TNIK: variants seen among roughly 807,000 people sequenced by gnomAD.
TNIK encodes TRAF2 and NCK-interacting protein kinase.
A neutral mutation model predicts 191.3 loss-of-function variants in TNIK; 49 were observed. The observed-to-expected ratio is 0.26, with a 90% CI of 0.20 to 0.32. The LOEUF is 0.32. TNIK is among the 10% of genes least tolerant of loss of function. TNIK has a pLI of 1.00. For missense variants in TNIK, 1,155 were observed against 1,702.3 expected (o/e 0.68, Z 5.66); for synonymous variants, 594 against 600.9 (o/e 0.99, Z 0.17).
chr3:171,146,569 C>T (rs12496977), intron 12 of TNIK, among the ~76,000 whole-genome samples: 8,231 of 152,156 alleles, frequency 0.054, 298 homozygotes, highest in Middle Eastern at 0.13. Context: ...GCCACCAATA[C>T]GAACACTGAA....
At chr3:171,171,652 T>C (rs1442463774) in intron 9 of TNIK, among the ~76,000 whole-genome samples, 1 of 152,240 alleles carries the variant, frequency 6.6e-6, no homozygotes, top group Non-Finnish European at 1.5e-5. Flanking sequence ...GAGCCATTCC[T>C]ATCCTTCTCC....
chr3:171,411,763 A>G (rs1207559909), intron 1 of TNIK, among the ~76,000 whole-genome samples: 1 of 152,240 alleles, frequency 6.6e-6, no homozygotes, highest in East Asian at 1.9e-4. Context: ...CTGCTCATTA[A>G]AGTCAGGCAA....
At chr3:171,118,366 A>G (rs1426232992) in intron 18 of TNIK, among the ~76,000 whole-genome samples, 3 of 152,222 alleles carry the variant, frequency 2.0e-5, no homozygotes, top group Non-Finnish European at 4.4e-5. Flanking sequence ...ATACTGCCCA[A>G]GGTAATTTAT....
Position 171,287,983 on chromosome 3 carries a change from C to CA in TNIK, c.124-59763dup, listed in dbSNP as rs1201635770. Among the ~76,000 whole-genome samples, 11 of 150,708 alleles carry CA rather than the reference C, an allele frequency of 7.3e-5. No individual in the cohort carries two copies. The East Asian group carries it at 1.9e-3, about 26-fold the overall frequency. On this transcript the variant is annotated intron_variant, in intron 2 of 32. Transcript: ENST00000436636. ...CACATATACGCCATGGAATACTATG[C>CA]AGCCATAAAAAATGATGAGTTCATG...
At chr3:171,134,592 G>A (rs759487819) in intron 15 of TNIK, among the ~76,000 whole-genome samples, 5 of 152,182 alleles carry the variant, frequency 3.3e-5, no homozygotes, top group Non-Finnish European at 5.9e-5. Flanking sequence ...GCTCCAAGCT[G>A]TCTTTTTAAT....
At chr3:171,099,181 C>T (rs1332736665) in intron 22 of TNIK, among the ~76,000 whole-genome samples, 1 of 152,036 alleles carries the variant, frequency 6.6e-6, no homozygotes, top group Non-Finnish European at 1.5e-5. Context: ...AAATAATCTC[C>T]CTCAAATATA....
chr3:171,268,227 C>T (rs1012484219), intron 2 of TNIK, among the ~76,000 whole-genome samples: 3 of 152,100 alleles, frequency 2.0e-5, no homozygotes, highest in Non-Finnish European at 4.4e-5. Flanking sequence ...TTTGGACTTC[C>T]GTGTGTGTCT....
chr3:171,452,412 T>C (rs1263155924), intron 1 of TNIK, among the ~76,000 whole-genome samples: 1 of 152,046 alleles, frequency 6.6e-6, no homozygotes, highest in Non-Finnish European at 1.5e-5. Context: ...CAATACAAAT[T>C]GCTGGAAGTC....
chr3:171,194,585 G>A lies in TNIK; in HGVS notation c.357C>T (p.Asn119=), dbSNP rs929138759. The A allele has an allele frequency of 3.1e-6, 5 of 1,613,828 alleles. No individual in the cohort carries two copies. The highest frequency in any genetic ancestry group is 1.3e-5 in the African/African-American group (1 of 75,016). Residue 119 remains asparagine (N), a synonymous_variant, in exon 5 of 33, where the codon AAC becomes AAT. Transcript: ENST00000436636. ...CCTCTTTCAACGTGTTACCTTTTGT[G>A]TTCTTGATCAGGTCGGTGACAGAGC... ...GAGSVTDLIK[N]TKGNTLKEEW...
rs775854166 is a variant in TNIK, at chr3:171,108,152, C to T, written c.2295G>A (p.Lys765=). 5.1e-6 allele frequency: 8 copies of T among 1,556,256 alleles called. No individual in the cohort carries two copies. The highest frequency in any genetic ancestry group is 6.9e-6 in the Non-Finnish European group (8 of 1,151,288). ...GGGGGAGCACAGGTGATCCTTCTGACTTACTGTTGGCTAGAGGAAAAAAAC... is the reference window on the plus strand; with the variant it reads ...GGGGGAGCACAGGTGATCCTTCTGATTTACTGTTGGCTAGAGGAAAAAAAC... ...SERTRVRANS[K]SEGSPVLPHE... is the part of the protein sequence containing the mutation. Residue 765 remains lysine (K), a synonymous_variant, in exon 20 of 33, where the codon AAG becomes AAA. Coordinates refer to ENST00000436636, the MANE Select transcript of TNIK (RefSeq NM_015028.4).
intron 6 of TNIK, among the ~76,000 whole-genome samples, chr3:171,190,395 CTG>C (rs1737900887): frequency 6.6e-6 from 1 of 152,112 alleles, no homozygotes; most frequent in Admixed American, 6.6e-5. Flanking sequence ...TATAAACAAA[CTG>C]TAAGATATAG....
At chr3:171,354,375 G>A (rs1713692517) in intron 2 of TNIK, among the ~76,000 whole-genome samples, 1 of 152,090 alleles carries the variant, frequency 6.6e-6, no homozygotes, top group East Asian at 1.9e-4. Flanking sequence ...ACCTGAGCTG[G>A]TCCACTACCT....
intron 21 of TNIK, among the ~76,000 whole-genome samples, chr3:171,104,195 CTAAGAACCTA>C (rs1300845686): frequency 6.6e-6 from 1 of 152,058 alleles, no homozygotes; most frequent in Non-Finnish European, 1.5e-5. Flanking sequence ...TCTTCCATTG[CTAAGAACCTA>C]TGTGTTTAGC....
chr3:171,072,638 T>C (rs1432202248), intron 28 of TNIK, among the ~76,000 whole-genome samples: 1 of 152,150 alleles, frequency 6.6e-6, no homozygotes, highest in Non-Finnish European at 1.5e-5. Flanking sequence ...AGTGAAATTA[T>C]CTCTGCTGAT....
intron 2 of TNIK, among the ~76,000 whole-genome samples, chr3:171,363,103 C>T (rs924271826): frequency 6.6e-6 from 1 of 152,172 alleles, no homozygotes; most frequent in African/African-American, 2.4e-5. Flanking sequence ...GCTGTCACAA[C>T]TTAGGGGTGC....
rs773003291 is a variant in TNIK at position 171,177,290 on chromosome 3, C to T, written c.694+36G>A. The stretch of plus-strand genomic sequence containing the variant: ...GAAACTTCAGTACCTGCAGAGCAGA[C>T]CAGCAACAGATTTCACCCCAGAGGA... On this transcript the variant is annotated intron_variant, in intron 8 of 32. Transcript: ENST00000436636. The T allele has an allele frequency of 6.3e-6, 10 of 1,592,210 alleles. No individual in the cohort carries two copies. In the African/African-American group the frequency reaches 1.3e-4, roughly 21 times the overall value.
chr3:171,450,767 T>C (rs1024563848), intron 1 of TNIK, among the ~76,000 whole-genome samples: 1 of 152,236 alleles, frequency 6.6e-6, no homozygotes, highest in Admixed American at 6.5e-5. Context: ...TTTAAATGAA[T>C]GAATTAATTG....
At chr3:171,253,674 T>C (rs149326935) in intron 2 of TNIK, among the ~76,000 whole-genome samples, 200 of 119,306 alleles carry the variant, frequency 1.7e-3, no homozygotes, top group African/African-American at 5.1e-3. Flanking sequence ...CTACAATAAA[T>C]TGAAGTAACA....
chr3:171,175,286 G>T lies in TNIK; in HGVS notation c.739C>A (p.Arg247=), dbSNP rs1330784130. The T allele has an allele frequency of 1.2e-6, 2 of 1,612,070 alleles. No individual in the cohort carries two copies. The highest frequency in any genetic ancestry group is 1.7e-6 in the Non-Finnish European group (2 of 1,179,180). The change falls in exon 9 of 33, where the codon CGG becomes AGG. Residue 247 remains arginine (R), a synonymous_variant. Coordinates refer to ENST00000436636, the MANE Select transcript of TNIK (RefSeq NM_015028.4). Reference sequence around the variant, plus strand: ...GACTTCAGCCGAGGCGCTGGGTTCCGGGGGATGAGGAAGAGAGCTCTCATG... The same window carrying T: ...GACTTCAGCCGAGGCGCTGGGTTCCTGGGGATGAGGAAGAGAGCTCTCATG... ...HPMRALFLIP[R]NPAPRLKSKK...
Sources: gnomAD v4.1 joint callset for allele counts (sites outside exome capture counted in the v4.1 genomes callset) on GRCh38, gnomAD v4.1.1 for gene constraint, MANE v1.5 for transcripts, NCBI Gene and HGNC (gene_info 2026-07-23, HGNC 2026-07-21) for gene names.